The following RYR3 variants were observed in gnomAD, a reference collection of about 807,000 sequenced individuals.
The protein encoded by RYR3 is ryanodine receptor 3, also known as brain ryanodine receptor-calcium release channel.
A neutral mutation model predicts 584.3 loss-of-function variants in RYR3; 207 were observed. The ratio of observed to expected loss-of-function variants is 0.35; its 90% confidence interval spans 0.32 to 0.40. The LOEUF (loss-of-function observed/expected upper bound fraction) is 0.40, where lower values mean the gene tolerates loss of function less well. Ranked by LOEUF, RYR3 falls within the 10% of genes least tolerant of loss-of-function variation. The pLI, the probability that RYR3 is intolerant of heterozygous loss-of-function variation, is 1.00. For synonymous variants in RYR3, 2,416 were observed against 2,248.5 expected (o/e 1.07, Z -2.11); for missense variants, 5,616 against 6,089.2 (o/e 0.92, Z 2.59).
At chr15:33,853,478 G>T in intron 95 of RYR3, 77 bp from the exon 96 acceptor site, 3 of 1,539,048 alleles carry the variant, frequency 1.9e-6, no homozygotes, top group Non-Finnish European at 2.6e-6. Flanking sequence ...GGGCAGCAAA[G>T]CTCTGAAGAC....
intron 8 of RYR3, among the ~76,000 whole-genome samples, chr15:33,546,046 C>T (rs886790001): frequency 6.6e-6 from 1 of 152,186 alleles, no homozygotes; most frequent in African/African-American, 2.4e-5. Context: ...TCAAAAGCAC[C>T]TCAGCTTGCC....
rs2079859123 is a variant in RYR3 at position 33,857,878 on chromosome 15, T to C, written c.14106T>C (p.Asp4702=). ...FRKFYNKSED[D]DEPDMKCDDM... is the part of the protein sequence containing the mutation. ...AGTTCTACAACAAAAGCGAAGACGA[T>C]GACGAGCCCGATATGAAGTGCGACG... The change falls in exon 99 of 104, where the codon GAT becomes GAC. Residue 4702 remains aspartate (D), a synonymous_variant. Coordinates refer to ENST00000634891, the MANE Select transcript of RYR3 (RefSeq NM_001036.6). 1 of 1,614,102 alleles carries C rather than the reference T, an allele frequency of 6.2e-7. No homozygotes were observed. Among genetic ancestry groups the C allele is most frequent in the South Asian group, 1.1e-5 (1 of 91,088 alleles).
chr15:33,528,374 C>T (rs1345533923), intron 3 of RYR3, among the ~76,000 whole-genome samples: 1 of 152,196 alleles, frequency 6.6e-6, no homozygotes, highest in Non-Finnish European at 1.5e-5. Flanking sequence ...CACTTCCAGA[C>T]CTTTGCCCAC....
chr15:33,521,792 C>A (rs1595426563), intron 3 of RYR3, among the ~76,000 whole-genome samples: 2 of 152,138 alleles, frequency 1.3e-5, no homozygotes, highest in Non-Finnish European at 2.9e-5. Context: ...ACTTTCTTTT[C>A]TGGGGTAAGG....
At chr15:33,804,415 C>G (rs1001577441) in intron 69 of RYR3, among the ~76,000 whole-genome samples, 1 of 152,112 alleles carries the variant, frequency 6.6e-6, no homozygotes. Context: ...TAAGTCTTGC[C>G]CCTGGCCCAG....
chr15:33,600,865 G>A (rs969339036), intron 16 of RYR3, among the ~76,000 whole-genome samples: 1 of 152,108 alleles, frequency 6.6e-6, no homozygotes, highest in Admixed American at 6.5e-5. Flanking sequence ...ATTAAGACCT[G>A]TAATATTTTA....
In RYR3 at chr15:33,821,240, A is replaced by G. The variant is rs369281654; in HGVS notation, c.10816-30A>G. 9.1e-5 allele frequency: 138 copies of G among 1,512,118 alleles called. 1 individual carries two copies. The highest frequency in any genetic ancestry group is 5.2e-4 in the East Asian group (21 of 40,308). 93.7% of individuals were successfully genotyped at this position (1,512,118 alleles called of 1,614,324 possible). A position where few individuals can be genotyped will look rare whatever the true frequency, so the allele number is the denominator to read the frequency against. On this transcript the variant is annotated intron_variant, in intron 78 of 103. Coordinates refer to ENST00000634891, the MANE Select transcript of RYR3 (RefSeq NM_001036.6). ...ACTCCCTGGTGCTGGGTAGGAACCA[A>G]TCTTTCCCTGTGATTTTTTTTCCCC...
chr15:33,837,483 T>C, intron 88 of RYR3, 148 bp from the exon 89 acceptor site: 1 of 829,906 alleles, frequency 1.2e-6, no homozygotes, highest in East Asian at 2.7e-5. Context: ...GTAGTCTTTA[T>C]GGCTTGCTGC....
At chr15:33,844,758 C>G in intron 92 of RYR3, 104 bp from the exon 93 acceptor site, 3 of 975,980 alleles carry the variant, frequency 3.1e-6, no homozygotes, top group South Asian at 1.7e-5. Flanking sequence ...TGTTGAGTCA[C>G]TACTATTTGT....
intron 22 of RYR3, 143 bp downstream of exon 22, chr15:33,630,186 A>G (rs965345248): frequency 3.4e-5 from 20 of 587,590 alleles, no homozygotes; most frequent in Non-Finnish European, 5.7e-5. Flanking sequence ...ATCATGTCAC[A>G]AGAGGATTTA....
At chr15:33,815,011 A>C (rs2076739844) in intron 74 of RYR3, among the ~76,000 whole-genome samples, 4 of 151,204 alleles carry the variant, frequency 2.6e-5, no homozygotes, top group African/African-American at 9.7e-5. Context: ...CGGAGGTTGC[A>C]GTGAACAGAG....
intron 50 of RYR3, 96 bp from the exon 51 acceptor site, chr15:33,739,736 G>A (rs746147434): frequency 4.9e-6 from 5 of 1,012,042 alleles, no homozygotes; most frequent in South Asian, 1.8e-5. Context: ...ATAAATGCGC[G>A]TATTTTATTT....
rs1465461269 is a variant in RYR3 at position 33,854,415 on chromosome 15, A to G, written c.13826A>G (p.His4609Arg). The stretch of plus-strand genomic sequence containing the variant: ...CTAAGTTCCATAGACATGAAGTACC[A>G]TATCTGGAAGCTTGGAGTTGTTTTT... ...SWLSSIDMKY[H>R]IWKLGVVFTD... Residue 4609 changes from histidine to arginine, a missense_variant, in exon 97 of 104, where the codon CAT (histidine) becomes CGT (arginine). By Grantham distance (29) the His-to-Arg change is conservative (BLOSUM62 0). Coordinates refer to ENST00000634891, the MANE Select transcript of RYR3 (RefSeq NM_001036.6). The G allele has an allele frequency of 5.7e-6, 9 of 1,576,112 alleles. No individual in the cohort carries two copies. The highest frequency in any genetic ancestry group is 2.3e-5 in the East Asian group (1 of 44,040).
Sources: gnomAD v4.1 joint callset for allele counts (sites outside exome capture counted in the v4.1 genomes callset) on GRCh38, gnomAD v4.1.1 for gene constraint, MANE v1.5 for transcripts, NCBI Gene and HGNC (gene_info 2026-07-23, HGNC 2026-07-21) for gene names.